Variants in NCOR1 observed in about 807,000 individuals in gnomAD.
NCOR1 encodes the protein nuclear receptor corepressor 1, also known as protein phosphatase 1, regulatory subunit 109.
A neutral mutation model predicts 288.1 loss-of-function variants in NCOR1; 63 were observed. That is an observed-to-expected ratio of 0.22 (90% confidence interval 0.18 to 0.27). The LOEUF is 0.27. Ranked by LOEUF, NCOR1 falls within the 10% of genes least tolerant of loss-of-function variation. The probability of loss-of-function intolerance (pLI) is 1.00; values close to 1 mark genes in which losing one functional copy is unlikely to be tolerated. For synonymous variants in NCOR1, 1,007 were observed against 1,065.9 expected (o/e 0.94, Z 1.08); for missense variants, 2,397 against 3,019.2 (o/e 0.79, Z 4.83).
chr17:16,173,076 G>A (rs567960580), intron 3 of NCOR1, among the ~76,000 whole-genome samples: 10 of 152,090 alleles, frequency 6.6e-5, no homozygotes, highest in South Asian at 4.2e-4. Flanking sequence ...GATTACAGGC[G>A]CGAGCCACCA....
intron 3 of NCOR1, among the ~76,000 whole-genome samples, chr17:16,176,043 C>T (rs2084104263): frequency 1.3e-5 from 2 of 151,610 alleles, no homozygotes; most frequent in South Asian, 4.2e-4. Flanking sequence ...ATGGAGAAAC[C>T]CCATCTCTAC....
chr17:16,045,711 GC>G (rs1036021312), intron 42 of NCOR1, among the ~76,000 whole-genome samples: 6 of 152,204 alleles, frequency 3.9e-5, no homozygotes, highest in African/African-American at 1.4e-4. Flanking sequence ...TCACCATCTT[GC>G]CCAGGCTGGC....
intron 26 of NCOR1, among the ~76,000 whole-genome samples, chr17:16,077,523 GA>G (rs1465459079): frequency 7.0e-5 from 2 of 28,692 alleles, no homozygotes; most frequent in African/African-American, 3.1e-4. Flanking sequence ...GGGAGGGGGG[GA>G]GGAGGGGGAG....
chr17:16,136,817 A>AG (rs1369987996), intron 14 of NCOR1, among the ~76,000 whole-genome samples: 4 of 135,012 alleles, frequency 3.0e-5, no homozygotes, highest in Non-Finnish European at 5.1e-5. Context: ...AAAAAAAAAA[A>AG]AAAAAAAAAA....
At chr17:16,058,401 G>A in intron 38 of NCOR1, 70 bp downstream of exon 38, 1 of 1,572,726 alleles carries the variant, frequency 6.4e-7, no homozygotes. Flanking sequence ...CTATGGTCTA[G>A]ACAGATAATT....
intron 23 of NCOR1, among the ~76,000 whole-genome samples, 165 bp from the exon 24 acceptor site, chr17:16,080,892 C>G (rs1161271281): frequency 6.6e-6 from 1 of 150,870 alleles, no homozygotes. Context: ...AAATCTTCAT[C>G]GTAGATTGCT....
In NCOR1 at chr17:16,081,773, C is replaced by G. The variant is rs188301561; in HGVS notation, c.3178-1046G>C. On this transcript the variant is annotated intron_variant, in intron 23 of 45. Coordinates refer to ENST00000268712, the MANE Select transcript of NCOR1 (RefSeq NM_006311.4). ...AGTAGATAACAGCCAGGGTAAACAA[C>G]AGGCTAACCAAAACACTTAAAAGGA... 3.0e-4 allele frequency among the ~76,000 whole-genome samples: 45 copies of G among 152,340 alleles called. 1 individual carries two copies. In the South Asian group the frequency reaches 6.6e-3, roughly 22 times the overall value.
In NCOR1 at chr17:16,061,732, T is replaced by C. The variant is rs2060563713; in HGVS notation, c.5550A>G (p.Glu1850=). 6.2e-7 allele frequency: 1 copy of C among 1,614,206 alleles called. No homozygotes were observed. The highest frequency in any genetic ancestry group is 8.5e-7 in the Non-Finnish European group (1 of 1,180,042). ...KESKHEAARL[E]ENLRSRSAAV... ...CTGCTGACCTGCTTCTCAAATTTTC[T>C]TCTAACCTGGCAGCTTCATGCTTAC... The change falls in exon 37 of 46, where the codon GAA becomes GAG. Residue 1850 remains glutamate, a synonymous_variant. Coordinates refer to ENST00000268712, the MANE Select transcript of NCOR1 (RefSeq NM_006311.4).
rs866572526 is a variant in NCOR1, at chr17:16,127,343, A to G, written c.1510-1137T>C. On this transcript the variant is annotated intron_variant, in intron 14 of 45. Transcript: ENST00000268712. ...TATATATGTATGTATATATACATGT[A>G]TGTATATATGTATGTATATATACAT... Among the ~76,000 whole-genome samples, 80 of 130,004 alleles carry G rather than the reference A, an allele frequency of 6.2e-4. 27 individuals are homozygous for G. The highest frequency in any genetic ancestry group is 2.8e-3 in the African/African-American group (76 of 27,312). The allele number at this position is 130,004 out of a possible 152,430, so 85.3% of individuals were successfully genotyped here.
At chr17:16,120,931 G>T in intron 16 of NCOR1, 121 bp downstream of exon 16, 1 of 895,502 alleles carries the variant, frequency 1.1e-6, no homozygotes, top group South Asian at 2.5e-5. Context: ...AAAATTTAAA[G>T]ACCACACTTC....
In NCOR1 at chr17:16,113,361, A is replaced by G. The variant is rs143276621; in HGVS notation, c.2056-4449T>C. Among the ~76,000 whole-genome samples, 929 of 152,232 alleles carry G rather than the reference A, an allele frequency of 6.1e-3. 16 individuals are homozygous for G. The highest frequency in any genetic ancestry group is 0.021 in the African/African-American group (862 of 41,528). On this transcript the variant is annotated intron_variant, in intron 18 of 45. Coordinates refer to ENST00000268712, the MANE Select transcript of NCOR1 (RefSeq NM_006311.4). ...CACAATTCTCAAGGTGCTTCCACAT[A>G]TGATCTAATCTGTGGATTACATTAA...
At position 16,032,905 on chromosome 17, in the gene NCOR1, C is replaced by T. The variant is rs531275339; in HGVS notation, c.7136-422G>A. On this transcript the variant is annotated intron_variant, in intron 45 of 45. Coordinates refer to ENST00000268712, the MANE Select transcript of NCOR1 (RefSeq NM_006311.4). ...CCAGGAACGTCTGCAGACTGAGGGG[C>T]AGCAGGATGCAAGTCATCTGCTGAA... Among the ~76,000 whole-genome samples, 73 of 152,302 alleles carry T rather than the reference C, an allele frequency of 4.8e-4. 1 individual carries two copies. Among genetic ancestry groups the T allele is most frequent in the African/African-American group, 1.7e-3 (69 of 41,552 alleles).
At chr17:16,080,571 A>AACCT in intron 24 of NCOR1, 36 bp downstream of exon 24, 1 of 1,614,068 alleles carries the variant, frequency 6.2e-7, no homozygotes, top group East Asian at 2.2e-5. Context: ...TGATGCTACA[A>AACCT]ACGTAGATGC....
rs975989696 is a variant in NCOR1, at chr17:16,031,016, T to G, written c.*1280A>C. 2.5e-5 allele frequency: 5 copies of G among 196,118 alleles called. No homozygotes were observed. The highest frequency in any genetic ancestry group is 1.2e-4 in the African/African-American group (5 of 43,338). The allele number at this position is 196,118 out of a possible 1,614,324, so 12.1% of individuals were successfully genotyped here. A position where few individuals can be genotyped will look rare whatever the true frequency, so the allele number is the denominator to read the frequency against. On this transcript the variant is annotated 3_prime_UTR_variant, in exon 46 of 46. Coordinates refer to ENST00000268712, the MANE Select transcript of NCOR1 (RefSeq NM_006311.4). ...ATGTTATAGAAAGATACTTAAATGC[T>G]ATGATAAATTGTATGAAAAAAACTT...
At chr17:16,147,935 A>G (rs2078246838) in intron 9 of NCOR1, among the ~76,000 whole-genome samples, 1 of 152,148 alleles carries the variant, frequency 6.6e-6, no homozygotes, top group East Asian at 1.9e-4. Flanking sequence ...CTCCTGCCTC[A>G]GCCTCCTGAG....
rs776582617 is a variant in NCOR1 at position 16,061,617 on chromosome 17, T to C, written c.5665A>G (p.Ser1889Gly). 1.9e-6 allele frequency: 3 copies of C among 1,614,214 alleles called. No homozygotes were observed. The highest frequency in any genetic ancestry group is 2.5e-6 in the Non-Finnish European group (3 of 1,180,030). Residue 1889 changes from serine (S) to glycine (G), a missense_variant, in exon 37 of 46, where the codon AGT (serine) becomes GGT (glycine). This residue lies in a region of NCOR1 where 1,872 missense variants were observed against 2,187.8 expected (regional missense o/e 0.86). Coordinates refer to ENST00000268712, the MANE Select transcript of NCOR1 (RefSeq NM_006311.4). ...GAAGAATGAGGCTGGGGCTTGCCACTTGGAAAGGCTGAAGAAGTGTATAAA... is the reference window on the plus strand; with the variant it reads ...GAAGAATGAGGCTGGGGCTTGCCACCTGGAAAGGCTGAAGAAGTGTATAAA... ...QCLYTSSAFPSGKPQPHSSVV... is the reference protein window; with the variant it reads ...QCLYTSSAFPGGKPQPHSSVV...
intron 21 of NCOR1, among the ~76,000 whole-genome samples, chr17:16,095,364 C>T (rs2066264654): frequency 6.6e-6 from 1 of 151,462 alleles, no homozygotes; most frequent in African/African-American, 2.4e-5. Context: ...AGCGTCTCCG[C>T]CCGGCAGCCA....
At chr17:16,174,759 C>G in intron 3 of NCOR1, among the ~76,000 whole-genome samples, 1 of 152,186 alleles carries the variant, frequency 6.6e-6, no homozygotes, top group South Asian at 2.1e-4. Flanking sequence ...CATGAAATCT[C>G]CAATTTAAAT....
At chr17:16,032,591 T>G in intron 45 of NCOR1, 108 bp from the exon 46 acceptor site, 1 of 1,103,108 alleles carries the variant, frequency 9.1e-7, no homozygotes, top group Non-Finnish European at 1.3e-6. Flanking sequence ...AATGGTCATG[T>G]GACACCATGA....
Sources: gnomAD v4.1 joint callset for allele counts (sites outside exome capture counted in the v4.1 genomes callset) on GRCh38, gnomAD v4.1.1 for gene constraint, gnomAD v4.1.1 regional missense constraint, MANE v1.5 for transcripts, NCBI Gene and HGNC (gene_info 2026-07-23, HGNC 2026-07-21) for gene names.